KHDRBS2: variants seen among roughly 807,000 people sequenced by gnomAD.
KHDRBS2 encodes the protein KH domain-containing, RNA-binding, signal transduction-associated protein 2.
Under a neutral mutation model 44.3 loss-of-function variants are expected in KHDRBS2, and 26 were observed. The observed-to-expected ratio is 0.59, with a 90% CI of 0.43 to 0.81. The LOEUF is 0.81. Ranked by LOEUF, KHDRBS2 falls within the 40% of genes least tolerant of loss-of-function variation. The probability of loss-of-function intolerance (pLI) is 0.00; values close to 1 mark genes in which losing one functional copy is unlikely to be tolerated. For synonymous variants in KHDRBS2, 194 were observed against 151.1 expected (o/e 1.28, Z -2.08); for missense variants, 476 against 433.1 (o/e 1.10, Z -0.88).
chr6:62,271,331 T>C (rs1840054443), intron 1 of KHDRBS2, among the ~76,000 whole-genome samples: 1 of 152,170 alleles, frequency 6.6e-6, no homozygotes, highest in Non-Finnish European at 1.5e-5. Flanking sequence ...CATGTGTTTG[T>C]GGTGATGCCG....
At chr6:61,773,833 A>G (rs1254131196) in intron 6 of KHDRBS2, among the ~76,000 whole-genome samples, 1 of 150,176 alleles carries the variant, frequency 6.7e-6, no homozygotes, top group Non-Finnish European at 1.5e-5. Flanking sequence ...AGGTGTAAGG[A>G]AGGGATCCAG....
the KHDRBS2 span, among the ~76,000 whole-genome samples, chr6:61,672,880 G>C: frequency 6.6e-6 from 1 of 151,770 alleles, no homozygotes; most frequent in Non-Finnish European, 1.5e-5. Context: ...TTTGGCTTTT[G>C]TTGCCATTGC....
chr6:62,113,200 T>G (rs1296755102), intron 2 of KHDRBS2, among the ~76,000 whole-genome samples: 2 of 152,042 alleles, frequency 1.3e-5, no homozygotes, highest in African/African-American at 2.4e-5. Flanking sequence ...TGGACATTCT[T>G]TAAGCACATA....
chr6:61,650,677 C>T, the KHDRBS2 span, among the ~76,000 whole-genome samples: 3 of 151,620 alleles, frequency 2.0e-5, no homozygotes, highest in African/African-American at 4.8e-5. Flanking sequence ...TGAATGAACA[C>T]ATTTGAAAAT....
intron 3 of KHDRBS2, among the ~76,000 whole-genome samples, chr6:61,996,680 C>T (rs1187123114): frequency 6.6e-6 from 1 of 152,174 alleles, no homozygotes; most frequent in African/African-American, 2.4e-5. Flanking sequence ...GAACTTTTTA[C>T]TTTAACCTAT....
chr6:61,949,491 A>T (rs184633836), intron 4 of KHDRBS2, among the ~76,000 whole-genome samples: 28 of 152,224 alleles, frequency 1.8e-4, no homozygotes, highest in Admixed American at 1.6e-3. Flanking sequence ...GGTTTTACAT[A>T]TATGCTATAA....
rs530806503 is a variant in KHDRBS2 at position 61,823,986 on chromosome 6, A to G, written c.810+70649T>C. On this transcript the variant is annotated intron_variant, in intron 6 of 8. Transcript: ENST00000281156. Reference sequence around the variant, plus strand: ...TTTAATTTGGTGACACAAAAACCAAACAGAAAATATTTACTTTTATCTTCA... The same window carrying G: ...TTTAATTTGGTGACACAAAAACCAAGCAGAAAATATTTACTTTTATCTTCA... Among the ~76,000 whole-genome samples the G allele has an allele frequency of 2.0e-5, 3 of 152,234 alleles. No homozygotes were observed. In the South Asian group the frequency reaches 6.2e-4, roughly 32 times the overall value.
intron 1 of KHDRBS2, among the ~76,000 whole-genome samples, chr6:62,209,314 G>T (rs1361251630): frequency 3.3e-5 from 5 of 152,138 alleles, no homozygotes; most frequent in African/African-American, 1.2e-4. Context: ...AAGAGAAAAA[G>T]ATTTGAAGAG....
At chr6:61,995,911 T>C (rs1777078745) in intron 3 of KHDRBS2, among the ~76,000 whole-genome samples, 1 of 152,214 alleles carries the variant, frequency 6.6e-6, no homozygotes, top group Non-Finnish European at 1.5e-5. Flanking sequence ...TCTTTATCAG[T>C]TACTTAATTT....
At chr6:61,564,381 TA>T in the KHDRBS2 span, among the ~76,000 whole-genome samples, 3 of 152,100 alleles carry the variant, frequency 2.0e-5, no homozygotes, top group African/African-American at 7.2e-5. Context: ...TCTTGTTTTT[TA>T]AAATAATGAT....
At chr6:61,606,146 A>C in the KHDRBS2 span, among the ~76,000 whole-genome samples, 7 of 152,150 alleles carry the variant, frequency 4.6e-5, no homozygotes, top group Non-Finnish European at 8.8e-5. Flanking sequence ...TCTTATAAAA[A>C]GGCCCCACCC....
chr6:62,239,551 T>G (rs1834247546), intron 1 of KHDRBS2, among the ~76,000 whole-genome samples: 1 of 148,600 alleles, frequency 6.7e-6, no homozygotes, highest in Non-Finnish European at 1.5e-5. Context: ...CCAGCCTGCA[T>G]GAAAGAGTTA....
chr6:62,088,460 C>A (rs778379305), intron 2 of KHDRBS2, among the ~76,000 whole-genome samples: 1 of 152,206 alleles, frequency 6.6e-6, no homozygotes, highest in Admixed American at 6.5e-5. Context: ...TCAGGCCCTT[C>A]TTCTGCAGGT....
chr6:62,033,852 T>C (rs1363311978), intron 3 of KHDRBS2, among the ~76,000 whole-genome samples: 1 of 151,268 alleles, frequency 6.6e-6, no homozygotes, highest in Non-Finnish European at 1.5e-5. Context: ...AAGAAGTTGG[T>C]TTTTTGAAAA....
chr6:61,852,114 C>A (rs144719872), intron 6 of KHDRBS2, among the ~76,000 whole-genome samples: 5,544 of 151,706 alleles, frequency 0.037, 143 homozygotes, highest in Non-Finnish European at 0.055. Flanking sequence ...CCCAGCTACT[C>A]GGGAGGCTGA....
At chr6:61,562,762 T>C in the KHDRBS2 span, among the ~76,000 whole-genome samples, 49,675 of 152,030 alleles carry the variant, frequency 0.33, 9,278 homozygotes, top group East Asian at 0.49. Context: ...AATGAAAGTA[T>C]GTGAAGTTTG....
the KHDRBS2 span, among the ~76,000 whole-genome samples, chr6:61,547,318 C>T: frequency 3.3e-5 from 5 of 152,092 alleles, no homozygotes; most frequent in Middle Eastern, 3.2e-3. Flanking sequence ...AGTGTGCATG[C>T]AGACTTAACT....
chr6:62,050,660 T>C (rs1273042622), intron 2 of KHDRBS2, among the ~76,000 whole-genome samples: 1 of 151,968 alleles, frequency 6.6e-6, no homozygotes, highest in Non-Finnish European at 1.5e-5. Context: ...TAAATGCTGA[T>C]GAAGATGTGT....
At chr6:61,979,723 G>A (rs1201250641) in intron 3 of KHDRBS2, among the ~76,000 whole-genome samples, 1 of 152,070 alleles carries the variant, frequency 6.6e-6, no homozygotes, top group Admixed American at 6.6e-5. Context: ...TTATCAGTTT[G>A]GGGAGGAGAG....
Sources: gnomAD v4.1 joint callset for allele counts (sites outside exome capture counted in the v4.1 genomes callset) on GRCh38, gnomAD v4.1.1 for gene constraint, MANE v1.5 for transcripts, NCBI Gene and HGNC (gene_info 2026-07-23, HGNC 2026-07-21) for gene names.